The following EMID1 variants were observed in gnomAD, a reference collection of about 807,000 sequenced individuals.
EMID1 encodes EMI domain containing 1, also known as EMI domain-containing protein 1.
Under a neutral mutation model 60.6 loss-of-function variants are expected in EMID1, and 40 were observed. That is an observed-to-expected ratio of 0.66 (90% CI 0.51 to 0.86). The LOEUF (loss-of-function observed/expected upper bound fraction) is 0.86. EMID1 is among the 40% of genes least tolerant of loss of function. The probability of loss-of-function intolerance (pLI) is 0.00; values close to 1 mark genes in which losing one functional copy is unlikely to be tolerated. For synonymous variants in EMID1, 242 were observed against 231.0 expected, an observed-to-expected ratio of 1.05 and a Z score of -0.43; for missense variants, 585 against 597.1, an observed-to-expected ratio of 0.98 and a Z score of 0.21.
chr22:29,240,720 C>T (rs2041122567), intron 12 of EMID1, among the ~76,000 whole-genome samples: 1 of 152,254 alleles, frequency 6.6e-6, no homozygotes, highest in Non-Finnish European at 1.5e-5. Flanking sequence ...TCTCAACCCC[C>T]ACATCCTTGC....
Position 29,234,300 on chromosome 22 carries a change from C to T in EMID1, c.1030-5C>T, listed in dbSNP as rs776731256. 12 of 1,613,858 alleles carry T rather than the reference C, an allele frequency of 7.4e-6. No individual in the cohort carries two copies. The highest frequency in any genetic ancestry group is 9.3e-6 in the Non-Finnish European group (11 of 1,179,856). On this transcript the variant is annotated splice_polypyrimidine_tract_variant and splice_region_variant and intron_variant, in intron 11 of 14. Coordinates refer to ENST00000334018, the MANE Select transcript of EMID1 (RefSeq NM_133455.4). ...GACGCCATTCGTCTCCTCCCTCTTA[C>T]ACAGGGACTGCGTGGGGAGCCTGGC...
chr22:29,207,111 A>G (rs1568961621), intron 1 of EMID1, among the ~76,000 whole-genome samples: 1 of 152,146 alleles, frequency 6.6e-6, no homozygotes, highest in Non-Finnish European at 1.5e-5. Context: ...TCAATTCTTT[A>G]ATTCTTTTCA....
intron 1 of EMID1, among the ~76,000 whole-genome samples, chr22:29,212,027 C>T (rs2039905233): frequency 2.0e-5 from 3 of 152,228 alleles, no homozygotes; most frequent in Admixed American, 2.0e-4. Flanking sequence ...GCTCTGCTGC[C>T]CAGGCTGGAG....
At chr22:29,222,570 A>T (rs539314478) in intron 3 of EMID1, among the ~76,000 whole-genome samples, 2 of 151,722 alleles carry the variant, frequency 1.3e-5, no homozygotes, top group Non-Finnish European at 2.9e-5. Context: ...CCCCCAGCTA[A>T]TTTTTGTATT....
At chr22:29,209,540 C>G (rs1032714512) in intron 1 of EMID1, among the ~76,000 whole-genome samples, 4 of 152,174 alleles carry the variant, frequency 2.6e-5, no homozygotes, top group African/African-American at 9.7e-5. Flanking sequence ...GGAGCTGCTG[C>G]CTGTTCTCCA....
chr22:29,226,464 G>A (rs756703854), intron 4 of EMID1, 26 bp from the exon 5 acceptor site: 1 of 1,610,210 alleles, frequency 6.2e-7, no homozygotes, highest in Non-Finnish European at 8.5e-7. Flanking sequence ...CCTTGGCCCT[G>A]GCCCCAGCTT....
intron 5 of EMID1, 42 bp from the exon 6 acceptor site, chr22:29,230,978 G>A: frequency 6.3e-7 from 1 of 1,594,866 alleles, no homozygotes; most frequent in Non-Finnish European, 8.5e-7. Context: ...AGGGGTCCTA[G>A]TGAGACCCTG....
At chr22:29,211,736 TTCCTGTC>T (rs1292137940) in intron 1 of EMID1, among the ~76,000 whole-genome samples, 4 of 152,232 alleles carry the variant, frequency 2.6e-5, no homozygotes, top group Non-Finnish European at 4.4e-5. Context: ...CAGGGCCCCT[TTCCTGTC>T]TCCAGAGCTT....
intron 5 of EMID1, among the ~76,000 whole-genome samples, chr22:29,227,575 C>T (rs1428033800): frequency 6.6e-6 from 1 of 151,794 alleles, no homozygotes; most frequent in African/African-American, 2.4e-5. Context: ...CATGGTGGCA[C>T]ACACCCATAA....
chr22:29,225,192 G>A lies in EMID1; in HGVS notation c.379G>A (p.Ala127Thr), dbSNP rs2040456829. ...MWSGSTMRRM[A>T]LRPTAFSGCL... ...GTCGGGCAGTACCATGCGGCGGATG[G>A]CGCTTCGGCCCACAGCCTTCTCAGG... The change falls in exon 4 of 15, where the codon GCG becomes ACG. Residue 127 changes from alanine to threonine, a missense_variant. Coordinates refer to ENST00000334018, the MANE Select transcript of EMID1 (RefSeq NM_133455.4). The A allele has an allele frequency of 6.2e-7, 1 of 1,613,892 alleles. No homozygotes were observed. The highest frequency in any genetic ancestry group is 1.1e-5 in the South Asian group (1 of 91,088).
chr22:29,244,149 C>T (rs2041243160), intron 13 of EMID1, among the ~76,000 whole-genome samples: 1 of 152,170 alleles, frequency 6.6e-6, no homozygotes, highest in South Asian at 2.1e-4. Flanking sequence ...TAGACACCAT[C>T]ACATACATAG....
At chr22:29,219,494 A>G (rs754924407) in intron 3 of EMID1, among the ~76,000 whole-genome samples, 5 of 152,164 alleles carry the variant, frequency 3.3e-5, no homozygotes, top group Non-Finnish European at 5.9e-5. Flanking sequence ...ATAGCCTAAG[A>G]ACAGGCCAGG....
In EMID1 at chr22:29,240,782, G is replaced by A. The variant is rs1047148695; in HGVS notation, c.1075-2663G>A. ...TAAATAGTGTGGGCTCCCAGAACTC[G>A]GGGCCTTCACAGCCTCCATACTTGT... is the stretch of plus-strand genomic sequence containing the variant. On this transcript the variant is annotated intron_variant, in intron 12 of 14. Coordinates refer to ENST00000334018, the MANE Select transcript of EMID1 (RefSeq NM_133455.4). 2.6e-5 allele frequency among the ~76,000 whole-genome samples: 4 copies of A among 152,128 alleles called. No individual in the cohort carries two copies. In the South Asian group the frequency reaches 6.2e-4, roughly 24 times the overall value.
intron 1 of EMID1, among the ~76,000 whole-genome samples, 164 bp from the exon 2 acceptor site, chr22:29,214,762 C>T (rs2040020283): frequency 6.6e-6 from 1 of 152,162 alleles, no homozygotes; most frequent in Non-Finnish European, 1.5e-5. Context: ...CAGGGACTCC[C>T]CCCAGCCATT....
At chr22:29,214,853 A>G in intron 1 of EMID1, 73 bp from the exon 2 acceptor site, 1 of 1,105,870 alleles carries the variant, frequency 9.0e-7, no homozygotes, top group South Asian at 2.1e-5. Flanking sequence ...GGACGTCCTC[A>G]CCCATCCTCC....
At chr22:29,213,188 G>A (rs567518214) in intron 1 of EMID1, among the ~76,000 whole-genome samples, 4 of 152,350 alleles carry the variant, frequency 2.6e-5, no homozygotes, top group African/African-American at 9.6e-5. Context: ...AACTAGGTGT[G>A]ATAGCTGGGT....
At chr22:29,240,321 G>A (rs375538497) in intron 12 of EMID1, among the ~76,000 whole-genome samples, 7 of 152,296 alleles carry the variant, frequency 4.6e-5, no homozygotes, top group East Asian at 1.9e-4. Context: ...CCTCCAGGTT[G>A]CTTAGTGTTG....
intron 4 of EMID1, among the ~76,000 whole-genome samples, chr22:29,226,015 C>T (rs1027585604): frequency 4.6e-5 from 7 of 152,206 alleles, no homozygotes; most frequent in African/African-American, 1.7e-4. Flanking sequence ...GCCCTGGCCC[C>T]AGCCCTGCCC....
At chr22:29,232,691 C>G (rs1315470456) in intron 8 of EMID1, 1 of 367,396 alleles carries the variant, frequency 2.7e-6, no homozygotes, top group East Asian at 4.8e-5. Flanking sequence ...GGGCATCAGG[C>G]CCTCCCAAGC....
Sources: gnomAD v4.1 joint callset for allele counts (sites outside exome capture counted in the v4.1 genomes callset) on GRCh38, gnomAD v4.1.1 for gene constraint, MANE v1.5 for transcripts, NCBI Gene and HGNC (gene_info 2026-07-23, HGNC 2026-07-21) for gene names.